Variants in ITSN2 observed in about 807,000 individuals in gnomAD.
The protein encoded by ITSN2 is intersectin 2.
In ITSN2, 156 loss-of-function variants were observed where a neutral mutation model predicts 243.7. The observed-to-expected ratio is 0.64, with a 90% CI of 0.56 to 0.73. The LOEUF (loss-of-function observed/expected upper bound fraction) is 0.73, where lower values mean the gene tolerates loss of function less well. Among genes scored for constraint, ITSN2 ranks in the 30% least tolerant of loss-of-function variants. The pLI, the probability that ITSN2 is intolerant of heterozygous loss-of-function variation, is 0.00. For missense variants in ITSN2, 1,801 were observed against 1,996.1 expected (o/e 0.90, Z 1.86); for synonymous variants, 703 against 699.9 (o/e 1.00, Z -0.07).
At chr2:24,284,242 T>C (rs1679185532) in intron 17 of ITSN2, among the ~76,000 whole-genome samples, 1 of 152,236 alleles carries the variant, frequency 6.6e-6, no homozygotes. Context: ...TGCAAGCATG[T>C]CTAAATATGA....
intron 18 of ITSN2, 76 bp from the exon 19 acceptor site, chr2:24,272,017 G>A: frequency 4.1e-6 from 5 of 1,229,018 alleles, no homozygotes; most frequent in Non-Finnish European, 4.4e-6. Flanking sequence ...CTAAGATCTG[G>A]TTCCTGTCAA....
intron 1 of ITSN2, among the ~76,000 whole-genome samples, chr2:24,353,499 GAGA>G: frequency 6.6e-6 from 1 of 152,156 alleles, no homozygotes; most frequent in Non-Finnish European, 1.5e-5. Flanking sequence ...TTGAGCCCAG[GAGA>G]AGGAGGTTGC....
chr2:24,353,376 C>T (rs868819833), intron 1 of ITSN2, among the ~76,000 whole-genome samples: 1 of 152,092 alleles, frequency 6.6e-6, no homozygotes, highest in African/African-American at 2.4e-5. Flanking sequence ...GGGGGCGAAT[C>T]GTCTGAACTC....
chr2:24,281,281 C>G (rs1419164360), intron 17 of ITSN2, among the ~76,000 whole-genome samples: 2 of 152,232 alleles, frequency 1.3e-5, no homozygotes, highest in East Asian at 1.9e-4. Context: ...CAACCCGCCT[C>G]AGCCTCCCAA....
chr2:24,340,769 CAT>C (rs1235160513), intron 1 of ITSN2, among the ~76,000 whole-genome samples: 4 of 151,942 alleles, frequency 2.6e-5, no homozygotes, highest in Non-Finnish European at 4.4e-5. Flanking sequence ...CACACACACA[CAT>C]ATAGTATATG....
At chr2:24,207,266 G>A (rs1668990907) in intron 37 of ITSN2, among the ~76,000 whole-genome samples, 1 of 152,128 alleles carries the variant, frequency 6.6e-6, no homozygotes, top group South Asian at 2.1e-4. Context: ...ACGGGGACAG[G>A]AAAGGGCGAT....
intron 1 of ITSN2, among the ~76,000 whole-genome samples, chr2:24,355,415 C>T (rs147245091): frequency 1.3e-5 from 2 of 152,284 alleles, no homozygotes; most frequent in African/African-American, 4.8e-5. Context: ...ACAGAGACCT[C>T]AGAAATAACA....
chr2:24,225,975 G>A lies in ITSN2; in HGVS notation c.3578-4909C>T, dbSNP rs528306023. Among the ~76,000 whole-genome samples, 1 of 152,152 alleles carries A rather than the reference G, an allele frequency of 6.6e-6. No individual in the cohort carries two copies. Among genetic ancestry groups the A allele is most frequent in the Admixed American group, 6.5e-5 (1 of 15,280 alleles). On this transcript the variant is annotated intron_variant, in intron 29 of 39. Coordinates refer to ENST00000355123, the MANE Select transcript of ITSN2 (RefSeq NM_006277.3). The surrounding 1 kb of genome is among the most constrained non-coding windows in gnomAD (Gnocchi z 4.2). ...GAGTAGCCCTTAGCAAGCTGTGACC[G>A]CTGAACACATGCAGTGTTTCCATGG... is the stretch of plus-strand genomic sequence containing the variant.
chr2:24,346,511 G>T (rs1687547061), intron 1 of ITSN2, among the ~76,000 whole-genome samples: 2 of 152,154 alleles, frequency 1.3e-5, no homozygotes, highest in South Asian at 4.2e-4. Context: ...GTGGTGACCT[G>T]GAACAGAACA....
rs575994828 is a variant in ITSN2 at position 24,205,097 on chromosome 2, A to G, written c.4762+117T>C. The stretch of plus-strand genomic sequence containing the variant: ...CAGAGGCAGAGGTTGCAGTGAGCCA[A>G]GATCGTGCCACTGCACTCCAGCCTA... On this transcript the variant is annotated intron_variant, in intron 38 of 39. Coordinates refer to ENST00000355123, the MANE Select transcript of ITSN2 (RefSeq NM_006277.3). 2.9e-5 allele frequency: 22 copies of G among 769,606 alleles called. No homozygotes were observed. The South Asian group carries it at 3.1e-4, about 11-fold the overall frequency. 47.7% of individuals were successfully genotyped at this position (769,606 alleles called of 1,614,324 possible). A position where few individuals can be genotyped will look rare whatever the true frequency, so the allele number is the denominator to read the frequency against.
intron 32 of ITSN2, chr2:24,214,469 TAAGATTTTCTATTTTTAA>T (rs893956553): frequency 1.1e-4 from 16 of 152,164 alleles, no homozygotes; most frequent in African/African-American, 3.9e-4. Flanking sequence ...ATCGTAATAG[TAAGATTTTCTATTTTTAA>T]AAGATTTTCT....
chr2:24,224,097 G>A (rs1369565586), intron 29 of ITSN2, among the ~76,000 whole-genome samples: 3 of 152,088 alleles, frequency 2.0e-5, no homozygotes, highest in African/African-American at 7.2e-5. Flanking sequence ...GACACCTGGC[G>A]AAATGGCACT....
chr2:24,342,084 C>T (rs1168655657), intron 1 of ITSN2, among the ~76,000 whole-genome samples: 2 of 152,088 alleles, frequency 1.3e-5, no homozygotes, highest in African/African-American at 4.8e-5. Context: ...ATATTTCTGT[C>T]TCTAAGAATG....
At chr2:24,354,922 T>G (rs1156959256) in intron 1 of ITSN2, among the ~76,000 whole-genome samples, 2 of 152,242 alleles carry the variant, frequency 1.3e-5, no homozygotes, top group Admixed American at 6.5e-5. Flanking sequence ...TTTAATGTCC[T>G]GATGTATCTA....
intron 1 of ITSN2, among the ~76,000 whole-genome samples, chr2:24,342,188 AT>A (rs201596342): frequency 9.9e-5 from 15 of 151,086 alleles, no homozygotes; most frequent in African/African-American, 3.2e-4. Context: ...TTCTTCTACC[AT>A]TTTTTTTTCT....
chr2:24,354,271 T>C (rs1688260390), intron 1 of ITSN2, among the ~76,000 whole-genome samples: 1 of 152,256 alleles, frequency 6.6e-6, no homozygotes, highest in South Asian at 2.1e-4. Flanking sequence ...AACATTTTCA[T>C]AGGCCCCTTG....
At chr2:24,278,744 C>A (rs1310338787) in intron 17 of ITSN2, among the ~76,000 whole-genome samples, 1 of 151,350 alleles carries the variant, frequency 6.6e-6, no homozygotes, top group Non-Finnish European at 1.5e-5. Flanking sequence ...CTCCGCCTCC[C>A]GGGTTCAAGC....
chr2:24,224,146 A>G (rs142011406), intron 29 of ITSN2, among the ~76,000 whole-genome samples: 1 of 152,280 alleles, frequency 6.6e-6, no homozygotes, highest in Non-Finnish European at 1.5e-5. Context: ...CGGTGTGGCC[A>G]GGTGATTGAT....
chr2:24,243,068 C>G (rs910473829), intron 29 of ITSN2, among the ~76,000 whole-genome samples: 1 of 152,164 alleles, frequency 6.6e-6, no homozygotes, highest in Non-Finnish European at 1.5e-5. Context: ...GCCCTTCCAG[C>G]AAACAATTAG....
Sources: gnomAD v4.1 joint callset for allele counts (sites outside exome capture counted in the v4.1 genomes callset) on GRCh38, gnomAD v4.1.1 for gene constraint, Gnocchi (gnomAD v3.1) non-coding constraint, MANE v1.5 for transcripts, NCBI Gene and HGNC (gene_info 2026-07-23, HGNC 2026-07-21) for gene names.